The following NUDT17 variants were observed in gnomAD, a reference collection of about 807,000 sequenced individuals.
NUDT17 encodes m7GpppN-mRNA hydrolase NUDT17.
NUDT17 carries 38 observed loss-of-function variants against 38.6 expected under a neutral mutation model. The ratio of observed to expected loss-of-function variants is 0.98; its 90% CI spans 0.76 to 1.29. The LOEUF is 1.29. Among genes scored for constraint, NUDT17 ranks in the 50% most tolerant of loss-of-function variants. The pLI is 0.00. For synonymous variants in NUDT17, 192 were observed against 167.8 expected, an observed-to-expected ratio of 1.14 and a Z score of -1.11; for missense variants, 462 against 415.2, an observed-to-expected ratio of 1.11 and a Z score of -0.98.
intron 3 of NUDT17, 27 bp from the exon 4 acceptor site, chr1:145,846,571 C>T: frequency 1.9e-6 from 3 of 1,611,072 alleles, no homozygotes; most frequent in Non-Finnish European, 2.5e-6. Context: ...GCACTGGCCC[C>T]TCTGATGTGT....
chr1:145,847,979 T>G (rs937028877), intron 6 of NUDT17, 133 bp from the exon 7 acceptor site: 15 of 1,043,490 alleles, frequency 1.4e-5, no homozygotes, highest in Non-Finnish European at 2.1e-5. Context: ...TCCTTGAACC[T>G]GTTTCCTTTC....
At chr1:145,846,313 A>T in intron 2 of NUDT17, 117 bp downstream of exon 2, 1 of 1,461,104 alleles carries the variant, frequency 6.8e-7, no homozygotes, top group Non-Finnish European at 9.5e-7. Flanking sequence ...GCATGTTCAT[A>T]GTCACAAGGG....
Position 145,846,624 on chromosome 1 carries a change from T to A in NUDT17, c.429T>A (p.Leu143=). 1 of 1,614,134 alleles carries A rather than the reference T, an allele frequency of 6.2e-7. No individual in the cohort carries two copies. Among genetic ancestry groups the A allele is most frequent in the Non-Finnish European group, 8.5e-7 (1 of 1,179,986 alleles). ...EELLDGGLRE[L]WEESGLHLPQ... is the part of the protein sequence containing the mutation. ...TGCTGGACGGAGGGCTTCGAGAACT[T>A]TGGGAGGAGAGTGGACTACACCTGC... Residue 143 remains leucine (L), a synonymous_variant, in exon 4 of 8, where the codon CTT becomes CTA. Coordinates refer to ENST00000334513, the MANE Select transcript of NUDT17 (RefSeq NM_001012758.3).
Position 145,848,267 on chromosome 1 carries a change from A to G in NUDT17, c.884+3A>G. ...CTCTGGCTGCAACATCTGGGCAGGT[A>G]AAAGTGAAAAAGGACTGGAGAGCTC... On this transcript the variant is annotated splice_donor_region_variant and intron_variant, in intron 7 of 7. Coordinates refer to ENST00000334513, the MANE Select transcript of NUDT17 (RefSeq NM_001012758.3). The G allele has an allele frequency of 6.2e-7, 1 of 1,614,188 alleles. No individual in the cohort carries two copies. Among genetic ancestry groups the G allele is most frequent in the Non-Finnish European group, 8.5e-7 (1 of 1,180,006 alleles).
In NUDT17 at chr1:145,847,587, G is replaced by C. The variant is rs201402956; in HGVS notation, c.599G>C (p.Arg200Pro). Reference protein sequence around the residue: ...SQESQQQLQARIQPNPNEVSA... With the variant: ...SQESQQQLQAPIQPNPNEVSA... Reference sequence around the variant, plus strand: ...GGTCACCATGTCTGACCCCAGGCCCGGATCCAACCAAACCCAAATGAGGTG... The same window carrying C: ...GGTCACCATGTCTGACCCCAGGCCCCGATCCAACCAAACCCAAATGAGGTG... The change falls in exon 6 of 8, where the codon CGG becomes CCG. Residue 200 changes from arginine (R) to proline (P), a missense_variant. By Grantham distance (103) the Arg-to-Pro change is moderately radical. Coordinates refer to ENST00000334513, the MANE Select transcript of NUDT17 (RefSeq NM_001012758.3). 1 of 1,613,124 alleles carries C rather than the reference G, an allele frequency of 6.2e-7. No homozygotes were observed. Among genetic ancestry groups the C allele is most frequent in the East Asian group, 2.2e-5 (1 of 44,882 alleles).
In NUDT17 at chr1:145,846,710, G is replaced by A. The variant is rs1553732595; in HGVS notation, c.495+20G>A. 6.5e-7 allele frequency: 1 copy of A among 1,536,264 alleles called. No individual in the cohort carries two copies. The highest frequency in any genetic ancestry group is 9.0e-7 in the Non-Finnish European group (1 of 1,108,924). On this transcript the variant is annotated intron_variant, in intron 4 of 7. Transcript: ENST00000334513. The stretch of plus-strand genomic sequence containing the variant: ...TGGGAGGTGAGACAAGTAGCTGGGA[G>A]AAGCTCCTCCATAGATCAGCCCCTA...
intron 3 of NUDT17, 50 bp from the exon 4 acceptor site, chr1:145,846,548 T>TTGGAAGAGTCAGGCAC: frequency 1.2e-6 from 2 of 1,604,966 alleles, no homozygotes; most frequent in African/African-American, 1.3e-5. Context: ...GCAAAAGGAC[T>TTGGAAGAGTCAGGCAC]TGGAAGAGTC....
Position 145,847,456 on chromosome 1 carries a change from CGAA to C in NUDT17, c.594+112_594+114del. 5.5e-6 allele frequency: 8 copies of C among 1,444,134 alleles called. No individual in the cohort carries two copies. The South Asian group carries it at 9.4e-5, about 17-fold the overall frequency. 89.5% of individuals were successfully genotyped at this position (1,444,134 alleles called of 1,614,324 possible). On this transcript the variant is annotated intron_variant, in intron 5 of 7. Coordinates refer to ENST00000334513, the MANE Select transcript of NUDT17 (RefSeq NM_001012758.3). ...GGGTGGCGGGGGTAGTCAGAGATAACGAAGAATATGCAATGCCCTTTCCCCTTG... is the reference window on the plus strand; with the variant it reads ...GGGTGGCGGGGGTAGTCAGAGATAACGAATATGCAATGCCCTTTCCCCTTG...
At chr1:145,846,766 C>T (rs148741791) in intron 4 of NUDT17, 76 bp downstream of exon 4, 4 of 1,005,704 alleles carry the variant, frequency 4.0e-6, no homozygotes, top group Middle Eastern at 2.1e-4. Flanking sequence ...AACAATAGCA[C>T]ATAAGTGGGC....
chr1:145,847,532 A>G (rs377746452), intron 5 of NUDT17, 51 bp from the exon 6 acceptor site: 2 of 1,603,376 alleles, frequency 1.2e-6, no homozygotes, highest in Admixed American at 3.3e-5. Context: ...GATCACGAAC[A>G]GGCAGCCCAG....
chr1:145,846,505 G>T, intron 3 of NUDT17, 47 bp downstream of exon 3: 1 of 1,608,350 alleles, frequency 6.2e-7, no homozygotes, highest in Non-Finnish European at 8.5e-7. Context: ...CCATGCCTGG[G>T]ACCATCTTGG....
chr1:145,848,019 C>A, intron 6 of NUDT17, 93 bp from the exon 7 acceptor site: 1 of 1,463,350 alleles, frequency 6.8e-7, no homozygotes, highest in Non-Finnish European at 9.5e-7. Flanking sequence ...CACCCACCTC[C>A]TGTGGTAGTT....
intron 1 of NUDT17, 78 bp downstream of exon 1, chr1:145,845,910 G>A (rs1570763046): frequency 6.5e-7 from 1 of 1,527,514 alleles, no homozygotes; most frequent in East Asian, 2.4e-5. Flanking sequence ...AACTGGCGGC[G>A]AGGACCCCGC....
intron 6 of NUDT17, 69 bp from the exon 7 acceptor site, chr1:145,848,043 G>C: frequency 6.3e-7 from 1 of 1,576,510 alleles, no homozygotes; most frequent in South Asian, 1.1e-5. Flanking sequence ...AGGATTCGGG[G>C]ACCTAACATA....
rs1455403236 is a variant in NUDT17, at chr1:145,847,623, T to A, written c.635T>A (p.Met212Lys). ...QPNPNEVSAL[M>K]WLTPDVAAAV... ...AACCCAAATGAGGTGAGCGCCCTTATGTGGCTGACACCAGATGTAGCTGCT... is the reference window on the plus strand; with the variant it reads ...AACCCAAATGAGGTGAGCGCCCTTAAGTGGCTGACACCAGATGTAGCTGCT... The change falls in exon 6 of 8, where the codon ATG (methionine) becomes AAG (lysine). Residue 212 changes from methionine to lysine, a missense_variant. By Grantham distance (95) the Met-to-Lys change is moderately conservative. Transcript: ENST00000334513. 6.2e-7 allele frequency: 1 copy of A among 1,613,860 alleles called. No homozygotes were observed. Among genetic ancestry groups the A allele is most frequent in the Non-Finnish European group, 8.5e-7 (1 of 1,180,014 alleles).
At chr1:145,847,541 A>T in intron 5 of NUDT17, 42 bp from the exon 6 acceptor site, 1 of 1,608,122 alleles carries the variant, frequency 6.2e-7, no homozygotes, top group Admixed American at 1.7e-5. Flanking sequence ...CAGGCAGCCC[A>T]GGGAGAGGCA....
At chr1:145,847,480 C>G (rs1652760631) in intron 5 of NUDT17, 103 bp from the exon 6 acceptor site, 1 of 1,516,532 alleles carries the variant, frequency 6.6e-7, no homozygotes, top group South Asian at 1.1e-5. Context: ...TGCCCTTTCC[C>G]CTTGCTCCTG....
intron 4 of NUDT17, among the ~76,000 whole-genome samples, chr1:145,846,916 G>A (rs1220487443): frequency 6.6e-6 from 1 of 152,260 alleles, no homozygotes; most frequent in African/African-American, 2.4e-5. Flanking sequence ...AAAGGGCCGG[G>A]TGCGGTGGCT....
rs1553732517 is a variant in NUDT17 at position 145,846,446 on chromosome 1, A to C, written c.390A>C (p.Glu130Asp). The change falls in exon 3 of 8, where the codon GAA (glutamate) becomes GAC (aspartate). Residue 130 changes from glutamate to aspartate, a missense_variant. Glu to Asp is a conservative substitution (Grantham distance 45). Transcript: ENST00000334513. ...NLWVPPGGHV[E>D]LEEELLDGGL... is the part of the protein sequence containing the mutation. ...CTGTTGTTGCAGGTGGGCACGTGGA[A>C]CTTGAGGAGGAGGTAACCAGTCAGC... 1 of 1,613,726 alleles carries C rather than the reference A, an allele frequency of 6.2e-7. No homozygotes were observed. The highest frequency in any genetic ancestry group is 8.5e-7 in the Non-Finnish European group (1 of 1,179,688).
Sources: gnomAD v4.1 joint callset for allele counts (sites outside exome capture counted in the v4.1 genomes callset) on GRCh38, gnomAD v4.1.1 for gene constraint, MANE v1.5 for transcripts, NCBI Gene and HGNC (gene_info 2026-07-23, HGNC 2026-07-21) for gene names.